The following CREB5 variants were observed in gnomAD, a reference collection of about 807,000 sequenced individuals.
CREB5 encodes the protein cyclic AMP-responsive element-binding protein 5.
Under a neutral mutation model 57.1 loss-of-function variants are expected in CREB5, and 19 were observed. That is an observed-to-expected ratio of 0.33 (90% CI 0.23 to 0.49). The LOEUF is 0.49. Among genes scored for constraint, CREB5 ranks in the 20% least tolerant of loss-of-function variants. CREB5 has a pLI of 0.99. For missense variants in CREB5, 579 were observed against 671.6 expected (o/e 0.86, Z 1.52); for synonymous variants, 238 against 238.3 (o/e 1.00, Z 0.01).
At chr7:28,778,425 C>T (rs1389822069) in intron 7 of CREB5, among the ~76,000 whole-genome samples, 1 of 152,132 alleles carries the variant, frequency 6.6e-6, no homozygotes, top group African/African-American at 2.4e-5. Flanking sequence ...TAAGATACGG[C>T]TAGCAATTAT....
At chr7:28,369,391 A>G (rs1786659816) in intron 1 of CREB5, among the ~76,000 whole-genome samples, 1 of 152,238 alleles carries the variant, frequency 6.6e-6, no homozygotes. Flanking sequence ...GGGAATGATC[A>G]TGGGTTCTGG....
intron 1 of CREB5, among the ~76,000 whole-genome samples, chr7:28,434,978 T>G (rs1038868872): frequency 7.2e-5 from 11 of 152,288 alleles, no homozygotes; most frequent in African/African-American, 2.6e-4. Flanking sequence ...CACGTGAATG[T>G]CTTATTTTTC....
chr7:28,736,864 T>G (rs1804013116), intron 7 of CREB5, among the ~76,000 whole-genome samples: 1 of 149,304 alleles, frequency 6.7e-6, no homozygotes, highest in South Asian at 2.1e-4. Context: ...CTGATGTTCC[T>G]CTGTGGGTTT....
chr7:28,328,242 T>A (rs562925024), intron 1 of CREB5, among the ~76,000 whole-genome samples: 1 of 152,334 alleles, frequency 6.6e-6, no homozygotes, highest in African/African-American at 2.4e-5. Context: ...CTCATTCAGT[T>A]TTAGCCTCCC....
At chr7:28,635,980 A>G (rs369172390) in intron 5 of CREB5, among the ~76,000 whole-genome samples, 6 of 152,230 alleles carry the variant, frequency 3.9e-5, no homozygotes, top group African/African-American at 1.4e-4. Context: ...TGAGCATGCC[A>G]GAAGAATAAA....
rs368741794 is a variant in CREB5 at position 28,804,318 on chromosome 7, G to A, written c.822G>A (p.Met274Ile). The A allele has an allele frequency of 1.6e-5, 26 of 1,613,724 alleles. No individual in the cohort carries two copies. Among genetic ancestry groups the A allele is most frequent in the Non-Finnish European group, 2.0e-5 (24 of 1,179,922 alleles). The change falls in exon 8 of 11, where the codon ATG (methionine) becomes ATA (isoleucine). Residue 274 changes from methionine to isoleucine, a missense_variant. Met to Ile is a conservative substitution (Grantham distance 10). Transcript: ENST00000357727. ...AGGACCAGACGCCACACCATCACAT[G>A]CACTCGCACCCGCATCAGCACCAGA... The part of the protein sequence containing the change: ...SRQDQTPHHH[M>I]HSHPHQHQTL...
intron 2 of CREB5, among the ~76,000 whole-genome samples, chr7:28,491,663 TA>T (rs1325242033): frequency 1.3e-5 from 2 of 152,200 alleles, no homozygotes; most frequent in African/African-American, 4.8e-5. Flanking sequence ...CAAGCTGTTA[TA>T]AAAATATGTG....
At chr7:28,560,911 T>TGCGCGTGCGTGTGC (rs1174704522) in intron 4 of CREB5, among the ~76,000 whole-genome samples, 1 of 36,056 alleles carries the variant, frequency 2.8e-5, no homozygotes, top group Non-Finnish European at 5.1e-5. Flanking sequence ...CGCGCGTGCG[T>TGCGCGTGCGTGTGC]GTGCGTGTGT....
chr7:28,551,842 T>TTTCC (rs1491217208), intron 4 of CREB5, among the ~76,000 whole-genome samples: 1 of 122,298 alleles, frequency 8.2e-6, no homozygotes, highest in East Asian at 2.3e-4. Context: ...TCTTTCTTTC[T>TTTCC]TTTTCTTTCT....
intron 7 of CREB5, among the ~76,000 whole-genome samples, chr7:28,737,576 TA>T (rs1562606815): frequency 6.8e-4 from 23 of 33,766 alleles, no homozygotes; most frequent in African/African-American, 1.7e-3. Flanking sequence ...TATATATATA[TA>T]TATATATATA....
intron 2 of CREB5, 69 bp from the exon 3 acceptor site, chr7:28,494,837 T>C (rs1791953955): frequency 1.0e-6 from 1 of 986,368 alleles, no homozygotes; most frequent in Non-Finnish European, 1.5e-6. Context: ...TTCTCAATAA[T>C]GGTAAATATG....
At chr7:28,600,521 TAGGG>T (rs1381216804) in intron 5 of CREB5, among the ~76,000 whole-genome samples, 1 of 151,972 alleles carries the variant, frequency 6.6e-6, no homozygotes, top group Admixed American at 6.6e-5. Context: ...CTGAGGATGG[TAGGG>T]AGGGGATGAT....
At chr7:28,351,767 T>C (rs947869150) in intron 1 of CREB5, among the ~76,000 whole-genome samples, 2 of 137,014 alleles carry the variant, frequency 1.5e-5, no homozygotes, top group African/African-American at 2.5e-5. Flanking sequence ...AATTATGGTT[T>C]AGAAAAAAAA....
rs187714427 is a variant in CREB5, at chr7:28,379,568, A to T, written c.-25+80127A>T. 2.0e-5 allele frequency among the ~76,000 whole-genome samples: 3 copies of T among 152,350 alleles called. No homozygotes were observed. In the East Asian group the frequency reaches 5.8e-4, roughly 29 times the overall value. ...GAAAGCCAAGGCTCTGCTCTCACAG[A>T]TCCAGGGCCAGTGGTGCCCAATCTT... On this transcript the variant is annotated intron_variant, in intron 1 of 9. Transcript: ENST00000396299.
intron 1 of CREB5, among the ~76,000 whole-genome samples, chr7:28,372,776 T>C (rs960807191): frequency 2.0e-5 from 3 of 152,220 alleles, no homozygotes; most frequent in African/African-American, 7.2e-5. Context: ...CCTTATAAAG[T>C]GCTCTTTGTG....
chr7:28,559,643 G>A lies in CREB5; in HGVS notation c.292-10722G>A, dbSNP rs556292941. ...GTTATCTTTTTAGATTAGGATCATA[G>A]GCTTAAGATGACCACGTGCCTGACT... is the stretch of plus-strand genomic sequence containing the variant. On this transcript the variant is annotated intron_variant, in intron 4 of 10. Coordinates refer to ENST00000357727, the MANE Select transcript of CREB5 (RefSeq NM_182898.4). 2.6e-5 allele frequency among the ~76,000 whole-genome samples: 4 copies of A among 152,288 alleles called. No individual in the cohort carries two copies. In the South Asian group the frequency reaches 6.2e-4, roughly 24 times the overall value.
At chr7:28,516,581 C>T (rs177591) in intron 4 of CREB5, among the ~76,000 whole-genome samples, 1 of 152,122 alleles carries the variant, frequency 6.6e-6, no homozygotes, top group Non-Finnish European at 1.5e-5. Context: ...CCCTGCCCTC[C>T]CATCAGGCAG....
At chr7:28,797,908 C>G (rs1210676645) in intron 7 of CREB5, among the ~76,000 whole-genome samples, 1 of 151,902 alleles carries the variant, frequency 6.6e-6, no homozygotes, top group East Asian at 1.9e-4. Flanking sequence ...CTGACTGGAC[C>G]CTTCAGAAGC....
intron 1 of CREB5, among the ~76,000 whole-genome samples, chr7:28,401,733 G>A (rs1351536487): frequency 3.9e-5 from 6 of 152,178 alleles, no homozygotes; most frequent in African/African-American, 1.2e-4. Context: ...TCCTACAAAG[G>A]ACATGAACTC....
Sources: gnomAD v4.1 joint callset for allele counts (sites outside exome capture counted in the v4.1 genomes callset) on GRCh38, gnomAD v4.1.1 for gene constraint, MANE v1.5 for transcripts, NCBI Gene and HGNC (gene_info 2026-07-23, HGNC 2026-07-21) for gene names.